The following BABAM2 variants were observed in gnomAD, a reference collection of about 807,000 sequenced individuals.
The protein encoded by BABAM2 is BRISC and BRCA1-A complex member 2.
A neutral mutation model predicts 54.7 loss-of-function variants in BABAM2; 31 were observed. That is an observed-to-expected ratio of 0.57 (90% CI 0.43 to 0.77). The LOEUF is 0.77. Among genes scored for constraint, BABAM2 ranks in the 30% least tolerant of loss-of-function variants. The pLI, the probability that BABAM2 is intolerant of heterozygous loss-of-function variation, is 0.00. For synonymous variants in BABAM2, 167 were observed against 162.9 expected (o/e 1.03, Z -0.19); for missense variants, 364 against 455.8 (o/e 0.80, Z 1.83).
intron 10 of BABAM2, among the ~76,000 whole-genome samples, chr2:28,276,670 G>T (rs937450743): frequency 2.6e-5 from 4 of 152,110 alleles, no homozygotes; most frequent in African/African-American, 9.7e-5. Flanking sequence ...GGATGCCCCA[G>T]CACTAAGGCC....
intron 1 of BABAM2, among the ~76,000 whole-genome samples, chr2:27,893,652 G>A (rs1038968729): frequency 2.0e-5 from 3 of 152,174 alleles, no homozygotes; most frequent in Non-Finnish European, 2.9e-5. Context: ...AAGAGATCAC[G>A]TAAGCAGGTA....
At chr2:28,003,523 G>C (rs1673726377) in intron 4 of BABAM2, among the ~76,000 whole-genome samples, 2 of 152,128 alleles carry the variant, frequency 1.3e-5, no homozygotes, top group African/African-American at 2.4e-5. Flanking sequence ...CTGGGAGGTT[G>C]AGGCTGCAGT....
intron 7 of BABAM2, among the ~76,000 whole-genome samples, chr2:28,230,261 A>G (rs962192016): frequency 6.6e-6 from 1 of 152,080 alleles, no homozygotes; most frequent in East Asian, 1.9e-4. Flanking sequence ...TTCTTGTCCT[A>G]TTGTACTCAC....
At chr2:28,114,067 A>C (rs1668376426) in intron 6 of BABAM2, among the ~76,000 whole-genome samples, 1 of 152,212 alleles carries the variant, frequency 6.6e-6, no homozygotes, top group South Asian at 2.1e-4. Context: ...CCAATATCAC[A>C]CTGAATGGGC....
chr2:27,998,452 T>TA (rs1345109988), intron 4 of BABAM2, among the ~76,000 whole-genome samples: 1 of 152,098 alleles, frequency 6.6e-6, no homozygotes, highest in African/African-American at 2.4e-5. Flanking sequence ...CACATGGACA[T>TA]ACGTTTGTCT....
At chr2:28,184,996 C>G (rs1676129193) in intron 7 of BABAM2, among the ~76,000 whole-genome samples, 1 of 152,062 alleles carries the variant, frequency 6.6e-6, no homozygotes, top group African/African-American at 2.4e-5. Context: ...CCTTGACTAT[C>G]CTGAAACTTT....
At chr2:28,229,124 C>G (rs1239622859) in intron 7 of BABAM2, among the ~76,000 whole-genome samples, 1 of 152,166 alleles carries the variant, frequency 6.6e-6, no homozygotes, top group Non-Finnish European at 1.5e-5. Context: ...TTGGCCAGCC[C>G]AGGCATCTAC....
intron 6 of BABAM2, among the ~76,000 whole-genome samples, chr2:28,113,140 C>T (rs1668287877): frequency 6.6e-6 from 1 of 152,142 alleles, no homozygotes; most frequent in Non-Finnish European, 1.5e-5. Flanking sequence ...AATTTTCTCC[C>T]ATTCTGTAGG....
intron 10 of BABAM2, among the ~76,000 whole-genome samples, chr2:28,272,470 GGAACGC>G: frequency 6.6e-6 from 1 of 152,144 alleles, no homozygotes; most frequent in Admixed American, 6.5e-5. Context: ...CAAGATAAGA[GGAACGC>G]GAACTGGCTC....
chr2:28,241,350 A>C lies in BABAM2; in HGVS notation c.808A>C (p.Lys270Gln), dbSNP rs768523754. The change falls in exon 9 of 12, where the codon AAA becomes CAA. Residue 270 changes from lysine (K) to glutamine (Q), a missense_variant. By Grantham distance (53) the Lys-to-Gln change is moderately conservative. Transcript: ENST00000379624. ...GCAGTACGTGATTCAAGGGTATCACAAAAGAAGAGAGTATATTGCTGCTTT... is the reference window on the plus strand; with the variant it reads ...GCAGTACGTGATTCAAGGGTATCACCAAAGAAGAGAGTATATTGCTGCTTT... The part of the protein sequence containing the change: ...KVQYVIQGYH[K>Q]RREYIAAFLS... The C allele has an allele frequency of 6.2e-7, 1 of 1,614,058 alleles. No individual in the cohort carries two copies. The highest frequency in any genetic ancestry group is 1.6e-4 in the Middle Eastern group (1 of 6,084).
At chr2:27,891,655 T>C (rs1664856982) in intron 1 of BABAM2, among the ~76,000 whole-genome samples, 1 of 151,986 alleles carries the variant, frequency 6.6e-6, no homozygotes, top group Non-Finnish European at 1.5e-5. Flanking sequence ...TGTTTTTGGC[T>C]AAGTGACTTC....
chr2:28,134,730 C>G (rs965511367), intron 7 of BABAM2: 5 of 152,210 alleles, frequency 3.3e-5, no homozygotes, highest in African/African-American at 4.8e-5. Context: ...CATGTTTGTT[C>G]TTTCAGGCAA....
At chr2:28,048,743 A>G (rs1258670507) in intron 6 of BABAM2, among the ~76,000 whole-genome samples, 1 of 152,218 alleles carries the variant, frequency 6.6e-6, no homozygotes, top group East Asian at 1.9e-4. Context: ...CGTGGTCCCC[A>G]GCATAAAGAG....
intron 6 of BABAM2, among the ~76,000 whole-genome samples, chr2:28,117,499 G>C (rs1386054035): frequency 6.6e-6 from 1 of 152,166 alleles, no homozygotes; most frequent in African/African-American, 2.4e-5. Context: ...TAAGAGCAGG[G>C]ACACAGCTGC....
intron 4 of BABAM2, among the ~76,000 whole-genome samples, chr2:27,990,620 T>G (rs765318269): frequency 2.0e-4 from 30 of 152,168 alleles, no homozygotes; most frequent in Admixed American, 1.3e-4. Flanking sequence ...GTAGTTCCTG[T>G]GGCAGGTGTG....
At chr2:28,253,720 A>C (rs1037550946) in intron 10 of BABAM2, among the ~76,000 whole-genome samples, 1 of 152,208 alleles carries the variant, frequency 6.6e-6, no homozygotes, top group Admixed American at 6.5e-5. Flanking sequence ...CCCCAAGAAC[A>C]AGAGCAGAGG....
chr2:28,338,696 T>C lies in BABAM2; in HGVS notation c.*183T>C, dbSNP rs1375815819. On this transcript the variant is annotated 3_prime_UTR_variant, in exon 12 of 12. Coordinates refer to ENST00000379624, the MANE Select transcript of BABAM2 (RefSeq NM_199191.3). ...CCAACTTGAGCTGGCTGGTGGTCCCTGGATCCTAGAGCCCTTCACTTCGGG... is the reference window on the plus strand; with the variant it reads ...CCAACTTGAGCTGGCTGGTGGTCCCCGGATCCTAGAGCCCTTCACTTCGGG... The C allele has an allele frequency of 1.3e-5, 8 of 633,300 alleles. No individual in the cohort carries two copies. Among genetic ancestry groups the C allele is most frequent in the Non-Finnish European group, 2.2e-5 (8 of 362,254 alleles). 39.2% of individuals were successfully genotyped at this position (633,300 alleles called of 1,614,324 possible).
At chr2:28,126,130 T>A (rs984294526) in intron 6 of BABAM2, among the ~76,000 whole-genome samples, 11 of 151,770 alleles carry the variant, frequency 7.2e-5, no homozygotes, top group South Asian at 2.1e-4. Flanking sequence ...TAATCTAAAA[T>A]TTTTTTTTAA....
intron 10 of BABAM2, among the ~76,000 whole-genome samples, chr2:28,260,299 C>CTTT (rs965855673): frequency 1.7e-4 from 20 of 120,422 alleles, no homozygotes; most frequent in African/African-American, 2.2e-4. Context: ...TATTTCTTTT[C>CTTT]TTTTTTTTTT....
Sources: gnomAD v4.1 joint callset for allele counts (sites outside exome capture counted in the v4.1 genomes callset) on GRCh38, gnomAD v4.1.1 for gene constraint, MANE v1.5 for transcripts, NCBI Gene and HGNC (gene_info 2026-07-23, HGNC 2026-07-21) for gene names.